The following TRPV3 variants were observed in gnomAD, a reference collection of about 807,000 sequenced individuals.
TRPV3 encodes transient receptor potential cation channel subfamily V member 3.
In TRPV3, 88 loss-of-function variants were observed where a neutral mutation model predicts 87.1. That is an observed-to-expected ratio of 1.01 (90% CI 0.85 to 1.21). The LOEUF (loss-of-function observed/expected upper bound fraction) is 1.21. Ranked by LOEUF, TRPV3 falls within the 50% of genes most tolerant of loss-of-function variation. The pLI is 0.00. For missense variants in TRPV3, 1,054 were observed against 1,030.1 expected, an observed-to-expected ratio of 1.02 and a Z score of -0.32; for synonymous variants, 438 against 423.3, an observed-to-expected ratio of 1.03 and a Z score of -0.43.
chr17:3,531,789 G>A (rs576940650), intron 8 of TRPV3, among the ~76,000 whole-genome samples: 3 of 152,302 alleles, frequency 2.0e-5, no homozygotes, highest in East Asian at 1.9e-4. Context: ...TGTTGAAGCC[G>A]TTCTCCATCT....
At chr17:3,519,736 GGATGGATGGATT>G (rs2074224348) in intron 14 of TRPV3, among the ~76,000 whole-genome samples, 2 of 148,572 alleles carry the variant, frequency 1.3e-5, no homozygotes, top group Non-Finnish European at 3.0e-5. Context: ...ATGGATGGAT[GGATGGATGGATT>G]GATGGATGAA....
intron 12 of TRPV3, among the ~76,000 whole-genome samples, chr17:3,525,101 C>T (rs907256929): frequency 3.9e-5 from 6 of 152,176 alleles, no homozygotes; most frequent in Non-Finnish European, 8.8e-5. Context: ...CTCACTGCAA[C>T]CTCCGCCTCC....
chr17:3,532,761 A>G lies in TRPV3; in HGVS notation c.961T>C (p.Tyr321His). ...KTQNDFVKRM[Y>H]DMILLRSGNW... ...CCACTCCGCAGTAGGATCATGTCGT[A>G]CATGCGCTTCACAAAGTCATTCTGC... The change falls in exon 8 of 18, where the codon TAC (tyrosine) becomes CAC (histidine). Residue 321 changes from tyrosine to histidine, a missense_variant. By Grantham distance (83) the Tyr-to-His change is moderately conservative. Coordinates refer to ENST00000576742, the MANE Select transcript of TRPV3 (RefSeq NM_145068.4). 1.9e-6 allele frequency: 3 copies of G among 1,614,252 alleles called. No individual in the cohort carries two copies. The highest frequency in any genetic ancestry group is 2.5e-6 in the Non-Finnish European group (3 of 1,180,048).
chr17:3,527,010 C>G (rs553434071), intron 11 of TRPV3, 83 bp from the exon 12 acceptor site: 16 of 1,117,958 alleles, frequency 1.4e-5, no homozygotes, highest in Non-Finnish European at 2.0e-5. Context: ...TCCCCAGGAC[C>G]AAGACTCAGT....
chr17:3,528,088 C>T lies in TRPV3; in HGVS notation c.1440G>A (p.Gly480=), dbSNP rs1478653786. The T allele has an allele frequency of 1.2e-6, 2 of 1,613,668 alleles. No homozygotes were observed. Among genetic ancestry groups the T allele is most frequent in the South Asian group, 1.1e-5 (1 of 91,052 alleles). ...PHPLALTHKM[G]WLQLLGRMFV... Reference sequence around the variant, plus strand: ...ACATCCTCCCTAGGAGCTGCAGCCACCCCATCTTGTGCGTCAGGGCCAAGG... The same window carrying T: ...ACATCCTCCCTAGGAGCTGCAGCCATCCCATCTTGTGCGTCAGGGCCAAGG... The change falls in exon 11 of 18, where the codon GGG becomes GGA. Residue 480 remains glycine, a synonymous_variant. Transcript: ENST00000576742. The surrounding 1 kb of genome is among the most constrained non-coding windows in gnomAD (Gnocchi z 4.2).
chr17:3,542,795 G>T lies in TRPV3; in HGVS notation c.467-97C>A. The T allele has an allele frequency of 2.3e-6, 3 of 1,323,824 alleles. No homozygotes were observed. In the South Asian group the frequency reaches 4.3e-5, roughly 19 times the overall value. The allele number at this position is 1,323,824 out of a possible 1,614,324, so 82.0% of individuals were successfully genotyped here. A position where few individuals can be genotyped will look rare whatever the true frequency, so the allele number is the denominator to read the frequency against. ...TGGTTGCTGCAGCCGCAGACCCCAA[G>T]CCCCTGCTCCACATCTCCACTCCCA... On this transcript the variant is annotated intron_variant, in intron 5 of 17. Transcript: ENST00000576742.
At chr17:3,526,350 C>T (rs935301475) in intron 12 of TRPV3, among the ~76,000 whole-genome samples, 1 of 151,928 alleles carries the variant, frequency 6.6e-6, no homozygotes, top group Admixed American at 6.6e-5. Context: ...TGATGGTGCA[C>T]GTCTGTAATC....
At chr17:3,547,560 G>T (rs1344804904) in intron 2 of TRPV3, among the ~76,000 whole-genome samples, 3 of 152,220 alleles carry the variant, frequency 2.0e-5, no homozygotes, top group African/African-American at 7.2e-5. Flanking sequence ...GGTGGAGGTT[G>T]CAGTGAGCCA....
rs751585500 is a variant in TRPV3 at position 3,513,868 on chromosome 17, G to A, written c.*49C>T. ...CTCTCTGCACAGAGTCGGTGACTCC[G>A]CCTGCAGCGCCAGACAGCGCACGCG... On this transcript the variant is annotated 3_prime_UTR_variant, in exon 18 of 18. Transcript: ENST00000576742. 2.0e-6 allele frequency: 3 copies of A among 1,507,638 alleles called. No individual in the cohort carries two copies. The highest frequency in any genetic ancestry group is 2.3e-5 in the East Asian group (1 of 44,354). 93.4% of individuals were successfully genotyped at this position (1,507,638 alleles called of 1,614,324 possible).
chr17:3,529,969 C>G (rs1597476990), intron 9 of TRPV3, 58 bp downstream of exon 9: 1 of 1,557,674 alleles, frequency 6.4e-7, no homozygotes, highest in East Asian at 2.3e-5. Flanking sequence ...CTCTCAGCCC[C>G]TGGCCTGAGG....
Position 3,530,340 on chromosome 17 carries a change from C to CAGAGG in TRPV3, c.1066-138_1066-137insCCTCT. On this transcript the variant is annotated intron_variant, in intron 8 of 17. Transcript: ENST00000576742. The surrounding 1 kb of genome is among the most constrained non-coding windows in gnomAD (Gnocchi z 4.0). ...TGGAGACCTGCCTCTGCGCCTGGCGCCATGGCCCCTGGGCCCCGTCTTTAT... is the reference window on the plus strand; with the variant it reads ...TGGAGACCTGCCTCTGCGCCTGGCGCAGAGGCATGGCCCCTGGGCCCCGTCTTTAT... 2 of 804,160 alleles carry CAGAGG rather than the reference C, an allele frequency of 2.5e-6. No homozygotes were observed. The highest frequency in any genetic ancestry group is 3.8e-6 in the Non-Finnish European group (2 of 526,540). 49.8% of individuals were successfully genotyped at this position (804,160 alleles called of 1,614,324 possible).
In TRPV3 at chr17:3,535,600, TG is replaced by T; in HGVS notation, c.756del (p.Lys253SerfsTer29). 5 of 1,608,752 alleles carry T rather than the reference TG, an allele frequency of 3.1e-6. No homozygotes were observed. The highest frequency in any genetic ancestry group is 1.3e-5 in the African/African-American group (1 of 74,304). ...AAGTAGAAGCCTTCGTGTTGGTACT[TG>T]GGGTTGAAGAAGGCCCCCTTGGCGT... ...NAHAKGAFFN[P>X]KYQHEGFYFG... On this transcript the variant is annotated frameshift_variant, in exon 7 of 18. Coordinates refer to ENST00000576742, the MANE Select transcript of TRPV3 (RefSeq NM_145068.4). LOFTEE classifies it high-confidence loss of function.
At chr17:3,540,682 C>T (rs939867722) in intron 6 of TRPV3, among the ~76,000 whole-genome samples, 24 of 152,152 alleles carry the variant, frequency 1.6e-4, no homozygotes, top group Non-Finnish European at 2.2e-4. Flanking sequence ...TTCGTAAGTC[C>T]TACAATACTG....
Position 3,532,699 on chromosome 17 carries a change from G to C in TRPV3, c.1023C>G (p.Gly341=), listed in dbSNP as rs115424961. 1 of 1,614,260 alleles carries C rather than the reference G, an allele frequency of 6.2e-7. No individual in the cohort carries two copies. The highest frequency in any genetic ancestry group is 1.3e-5 in the African/African-American group (1 of 75,074). Reference sequence around the variant, plus strand: ...TGGCGGCCAGCTGCAGCGGCGTGAGGCCATCGTTGTTGCGAGTGGTCTCCA... The same window carrying C: ...TGGCGGCCAGCTGCAGCGGCGTGAGCCCATCGTTGTTGCGAGTGGTCTCCA... ...WELETTRNND[G]LTPLQLAAKM... The change falls in exon 8 of 18, where the codon GGC becomes GGG. Residue 341 remains glycine, a synonymous_variant. Coordinates refer to ENST00000576742, the MANE Select transcript of TRPV3 (RefSeq NM_145068.4).
chr17:3,546,333 T>C (rs1369015802), intron 2 of TRPV3, among the ~76,000 whole-genome samples: 2 of 151,830 alleles, frequency 1.3e-5, no homozygotes, highest in Admixed American at 1.3e-4. Context: ...TCCCAGCTAC[T>C]TGGGAGGCTG....
In TRPV3 at chr17:3,513,964, G is replaced by A; in HGVS notation, c.2326C>T (p.Leu776Phe). Residue 776 changes from leucine (L) to phenylalanine (F), a missense_variant, in exon 18 of 18, where the codon CTC becomes TTC. Leu to Phe is a conservative substitution (Grantham distance 22). Transcript: ENST00000576742. ...TCCTCGACTTCTTCAAATGCATTGA[G>A]AGTGGTTTTGCTGTTGTTCCTGGAA... ...DSSRNNSKTT[L>F]NAFEEVEEFP... 2 of 1,614,168 alleles carry A rather than the reference G, an allele frequency of 1.2e-6. No individual in the cohort carries two copies. The highest frequency in any genetic ancestry group is 1.7e-6 in the Non-Finnish European group (2 of 1,179,998).
intron 12 of TRPV3, among the ~76,000 whole-genome samples, chr17:3,524,684 C>G (rs1259032492): frequency 1.3e-5 from 2 of 151,884 alleles, no homozygotes; most frequent in Admixed American, 6.6e-5. Flanking sequence ...TTAAATTACC[C>G]ACACGGGCCT....
intron 2 of TRPV3, 170 bp downstream of exon 2, chr17:3,554,562 T>C: frequency 1.7e-6 from 1 of 574,746 alleles, no homozygotes; most frequent in Admixed American, 3.2e-5. Flanking sequence ...GAGTGTGCTG[T>C]GCTCCCCACC....
At chr17:3,544,505 G>A in intron 4 of TRPV3, 74 bp downstream of exon 4, 1 of 906,738 alleles carries the variant, frequency 1.1e-6, no homozygotes, top group Non-Finnish European at 1.7e-6. Context: ...CTTCCTGCAG[G>A]GCCCCGGATC....
Sources: gnomAD v4.1 joint callset for allele counts (sites outside exome capture counted in the v4.1 genomes callset) on GRCh38, gnomAD v4.1.1 for gene constraint, Gnocchi (gnomAD v3.1) non-coding constraint, MANE v1.5 for transcripts, NCBI Gene and HGNC (gene_info 2026-07-23, HGNC 2026-07-21) for gene names.